The following SPOCK1 variants were observed in gnomAD, a reference collection of about 807,000 sequenced individuals.
SPOCK1 encodes the protein testican-1.
Under a neutral mutation model 55.3 loss-of-function variants are expected in SPOCK1, and 23 were observed. The ratio of observed to expected loss-of-function variants is 0.42; its 90% CI spans 0.30 to 0.59. The LOEUF (loss-of-function observed/expected upper bound fraction) is 0.59, where lower values mean the gene tolerates loss of function less well. Among genes scored for constraint, SPOCK1 ranks in the 20% least tolerant of loss-of-function variants. The probability of loss-of-function intolerance (pLI) is 0.22; values close to 1 mark genes in which losing one functional copy is unlikely to be tolerated. For synonymous variants in SPOCK1, 226 were observed against 221.0 expected, an observed-to-expected ratio of 1.02 and a Z score of -0.20; for missense variants, 499 against 552.5, an observed-to-expected ratio of 0.90 and a Z score of 0.97.
intron 3 of SPOCK1, among the ~76,000 whole-genome samples, chr5:137,158,808 A>G (rs759176246): frequency 6.6e-6 from 1 of 152,078 alleles, no homozygotes; most frequent in Non-Finnish European, 1.5e-5. Context: ...CCCCCAAGCA[A>G]ACCTCATCCA....
intron 2 of SPOCK1, among the ~76,000 whole-genome samples, chr5:137,392,027 C>T (rs1751736151): frequency 6.6e-6 from 1 of 152,194 alleles, no homozygotes; most frequent in African/African-American, 2.4e-5. Context: ...GAACTCTTCT[C>T]AGTTTTCTTC....
chr5:137,241,679 C>T lies in SPOCK1; in HGVS notation c.232+25331G>A, dbSNP rs75951115. On this transcript the variant is annotated intron_variant, in intron 3 of 10. Transcript: ENST00000394945. ...CTCTGTCACCCCTTTTGCCCTTCAG[C>T]CATGGGATGGCACAGCAAGAAGGCC... Among the ~76,000 whole-genome samples the T allele has an allele frequency of 7.1e-4, 108 of 152,254 alleles. No homozygotes were observed. The East Asian group carries it at 0.02, about 28-fold the overall frequency.
chr5:137,021,602 C>T (rs913986823), intron 6 of SPOCK1, among the ~76,000 whole-genome samples: 2 of 152,114 alleles, frequency 1.3e-5, no homozygotes, highest in African/African-American at 4.8e-5. Flanking sequence ...AATATACTAG[C>T]TGTGTTTCAT....
chr5:137,350,378 A>T (rs1750652001), intron 2 of SPOCK1, among the ~76,000 whole-genome samples: 1 of 152,222 alleles, frequency 6.6e-6, no homozygotes, highest in African/African-American at 2.4e-5. Flanking sequence ...GACTTACAAC[A>T]ACTGCCACTT....
intron 3 of SPOCK1, among the ~76,000 whole-genome samples, chr5:137,224,031 T>C (rs1755904635): frequency 6.6e-6 from 1 of 152,182 alleles, no homozygotes; most frequent in Non-Finnish European, 1.5e-5. Context: ...AGATTCCAAT[T>C]TCCTGCAACA....
intron 2 of SPOCK1, among the ~76,000 whole-genome samples, chr5:137,451,958 A>G (rs890969244): frequency 6.6e-6 from 1 of 152,120 alleles, no homozygotes; most frequent in Non-Finnish European, 1.5e-5. Context: ...TAGATTTTGG[A>G]TTTTTTCCAT....
At chr5:137,131,989 A>AAAAAAAT (rs1391176339) in intron 4 of SPOCK1, among the ~76,000 whole-genome samples, 3 of 36,056 alleles carry the variant, frequency 8.3e-5, no homozygotes, top group African/African-American at 3.7e-4. Flanking sequence ...AAAAAAAAAA[A>AAAAAAAT]ATATATATAT....
chr5:137,301,723 C>T (rs1330913228), intron 2 of SPOCK1, among the ~76,000 whole-genome samples: 1 of 146,220 alleles, frequency 6.8e-6, no homozygotes, highest in Admixed American at 7.0e-5. Flanking sequence ...ACAGTTTACT[C>T]AACTAATATT....
intron 6 of SPOCK1, among the ~76,000 whole-genome samples, chr5:136,995,439 G>A (rs564776864): frequency 2.0e-5 from 3 of 152,286 alleles, no homozygotes; most frequent in African/African-American, 7.2e-5. Flanking sequence ...ATCCAACTCA[G>A]AACCTCGGGG....
rs539155320 is a variant in SPOCK1, at chr5:137,124,112, C to T, written c.348-11551G>A. Among the ~76,000 whole-genome samples, 7 of 152,226 alleles carry T rather than the reference C, an allele frequency of 4.6e-5. No individual in the cohort carries two copies. The East Asian group carries it at 1.2e-3, about 25-fold the overall frequency. On this transcript the variant is annotated intron_variant, in intron 4 of 10. Transcript: ENST00000394945. The stretch of plus-strand genomic sequence containing the variant: ...TAAAGAACAACAAGCCAACTTTCCA[C>T]GTACCACAAGACGAAGAAAATGGTG...
At chr5:137,289,885 T>C (rs1474041564) in intron 2 of SPOCK1, among the ~76,000 whole-genome samples, 1 of 152,092 alleles carries the variant, frequency 6.6e-6, no homozygotes, top group African/African-American at 2.4e-5. Flanking sequence ...CTTTACAAAA[T>C]AGGATACCCA....
intron 3 of SPOCK1, among the ~76,000 whole-genome samples, chr5:137,246,657 G>A (rs969390637): frequency 2.0e-5 from 3 of 152,156 alleles, no homozygotes; most frequent in Admixed American, 6.5e-5. Flanking sequence ...AGGACAGTGT[G>A]GCCTGAGGGG....
intron 2 of SPOCK1, among the ~76,000 whole-genome samples, chr5:137,495,783 G>C (rs187360971): frequency 7.2e-5 from 11 of 152,306 alleles, no homozygotes; most frequent in Admixed American, 5.9e-4. Context: ...GATTATTCCA[G>C]GGACTTGCCC....
intron 3 of SPOCK1, among the ~76,000 whole-genome samples, chr5:137,202,865 A>T (rs1184943275): frequency 8.5e-5 from 13 of 152,226 alleles, no homozygotes; most frequent in Non-Finnish European, 1.5e-5. Flanking sequence ...AACTCGCTGG[A>T]CAAGTAGCTT....
intron 2 of SPOCK1, among the ~76,000 whole-genome samples, chr5:137,335,432 A>T (rs185368949): frequency 2.6e-5 from 4 of 152,368 alleles, no homozygotes; most frequent in Admixed American, 2.6e-4. Context: ...TTTCTTCTCT[A>T]TACTTCCTGT....
chr5:137,090,002 C>T (rs1753025728), intron 5 of SPOCK1, among the ~76,000 whole-genome samples: 1 of 152,160 alleles, frequency 6.6e-6, no homozygotes, highest in South Asian at 2.1e-4. Flanking sequence ...CAGGTGTAAG[C>T]ACTAGGATCT....
intron 6 of SPOCK1, among the ~76,000 whole-genome samples, chr5:137,031,987 G>A (rs541689299): frequency 1.4e-5 from 2 of 147,396 alleles, no homozygotes; most frequent in Admixed American, 6.8e-5. Flanking sequence ...ATACACACAC[G>A]CATATACATA....
At chr5:137,379,142 G>A (rs980212741) in intron 2 of SPOCK1, among the ~76,000 whole-genome samples, 4 of 152,196 alleles carry the variant, frequency 2.6e-5, no homozygotes, top group Non-Finnish European at 5.9e-5. Context: ...CAGGGATGGG[G>A]GGATGCTGTA....
intron 5 of SPOCK1, among the ~76,000 whole-genome samples, chr5:137,074,879 A>G (rs1052931132): frequency 2.0e-5 from 3 of 151,960 alleles, no homozygotes; most frequent in African/African-American, 7.3e-5. Context: ...TAATTTTTGT[A>G]TTTTTAGTAG....
Sources: allele counts gnomAD v4.1 joint callset (sites outside exome capture counted in the v4.1 genomes callset), GRCh38; gene constraint gnomAD v4.1.1; transcripts MANE v1.5; gene names NCBI Gene and HGNC (gene_info 2026-07-23, HGNC 2026-07-21).